FSD1L: variants seen among roughly 807,000 people sequenced by gnomAD.
FSD1L encodes the protein FSD1-like protein.
Under a neutral mutation model 71.6 loss-of-function variants are expected in FSD1L, and 45 were observed. That is an observed-to-expected ratio of 0.63 (90% confidence interval 0.49 to 0.81). FSD1L has a LOEUF of 0.81. FSD1L is among the 30% of genes least tolerant of loss of function. FSD1L has a pLI of 0.00. For synonymous variants in FSD1L, 197 were observed against 207.2 expected, an observed-to-expected ratio of 0.95 and a Z score of 0.42; for missense variants, 561 against 618.1, an observed-to-expected ratio of 0.91 and a Z score of 0.98.
intron 6 of FSD1L, among the ~76,000 whole-genome samples, chr9:105,483,626 G>T (rs1328857381): frequency 2.0e-5 from 3 of 152,136 alleles, no homozygotes; most frequent in African/African-American, 7.2e-5. Context: ...AGTTTTAATG[G>T]ACTACAGATT....
At chr9:105,501,172 C>T (rs1348337858) in intron 7 of FSD1L, among the ~76,000 whole-genome samples, 1 of 152,016 alleles carries the variant, frequency 6.6e-6, no homozygotes, top group Non-Finnish European at 1.5e-5. Flanking sequence ...GTGAGAAGCA[C>T]TGCCTTATTT....
chr9:105,525,005 T>G, intron 10 of FSD1L: 1 of 1,572,550 alleles, frequency 6.4e-7, no homozygotes. Context: ...AGGAGGTTTA[T>G]CTGCTGGCCT....
Position 105,512,796 on chromosome 9 carries a change from A to G in FSD1L, c.896-11A>G. On this transcript the variant is annotated splice_polypyrimidine_tract_variant and intron_variant, in intron 9 of 13. Coordinates refer to ENST00000481272, the MANE Select transcript of FSD1L (RefSeq NM_001145313.3). ...TATTTTAAAAATATATTTAAATATT[A>G]TCTTGAATAGCACTTAACTTCAATT... is the stretch of plus-strand genomic sequence containing the variant. 1 of 1,410,406 alleles carries G rather than the reference A, an allele frequency of 7.1e-7. No homozygotes were observed. Among genetic ancestry groups the G allele is most frequent in the Non-Finnish European group, 9.5e-7 (1 of 1,056,170 alleles). The allele number at this position is 1,410,406 out of a possible 1,614,324, so 87.4% of individuals were successfully genotyped here.
Position 105,512,889 on chromosome 9 carries a change from A to G in FSD1L, c.978A>G (p.Gly326=). 2 of 1,542,692 alleles carry G rather than the reference A, an allele frequency of 1.3e-6. No individual in the cohort carries two copies. Among genetic ancestry groups the G allele is most frequent in the Non-Finnish European group, 1.7e-6 (2 of 1,142,890 alleles). ...EDTCVEWDPT[G]GKGQESKIKG... is the part of the protein sequence containing the mutation. The stretch of plus-strand genomic sequence containing the variant: ...CATGTGTAGAGTGGGATCCTACTGG[A>G]GGAAAAGGTCAAGAAAGTAAAATTA... The change falls in exon 10 of 14, where the codon GGA becomes GGG. Residue 326 remains glycine, a synonymous_variant. Coordinates refer to ENST00000481272, the MANE Select transcript of FSD1L (RefSeq NM_001145313.3).
chr9:105,524,637 G>T, intron 10 of FSD1L: 8 of 1,613,940 alleles, frequency 5.0e-6, no homozygotes, highest in Non-Finnish European at 6.8e-6. Flanking sequence ...TGTAGATTAT[G>T]ATCCTTTTAT....
At chr9:105,478,879 A>G (rs1484365126) in intron 5 of FSD1L, among the ~76,000 whole-genome samples, 2 of 152,222 alleles carry the variant, frequency 1.3e-5, no homozygotes, top group Non-Finnish European at 2.9e-5. Flanking sequence ...TCCTTGCCCT[A>G]TAGAGGCATA....
At chr9:105,545,250 T>G (rs1836915600) in intron 13 of FSD1L, among the ~76,000 whole-genome samples, 1 of 145,586 alleles carries the variant, frequency 6.9e-6, no homozygotes, top group African/African-American at 2.7e-5. Flanking sequence ...ATAGGAATGC[T>G]TGTGATTTTT....
At chr9:105,460,033 C>T (rs571866422) in intron 1 of FSD1L, among the ~76,000 whole-genome samples, 51 of 152,296 alleles carry the variant, frequency 3.3e-4, no homozygotes, top group African/African-American at 1.0e-3. Context: ...GCTCTCTCTT[C>T]AAAGAATGAG....
chr9:105,528,544 A>G (rs1039341111), intron 10 of FSD1L, among the ~76,000 whole-genome samples: 4 of 152,212 alleles, frequency 2.6e-5, no homozygotes, highest in Non-Finnish European at 5.9e-5. Context: ...AAGATTCCCT[A>G]TTTAATAAAT....
chr9:105,470,379 T>C (rs907287247), intron 4 of FSD1L, among the ~76,000 whole-genome samples: 1 of 152,230 alleles, frequency 6.6e-6, no homozygotes, highest in African/African-American at 2.4e-5. Flanking sequence ...TGTTCCAATC[T>C]ATGAACATGA....
intron 10 of FSD1L, chr9:105,530,480 T>G (rs1018751964): frequency 4.9e-6 from 3 of 610,990 alleles, no homozygotes; most frequent in Non-Finnish European, 8.7e-6. Context: ...TTCTCCATGC[T>G]TCCCTTTATT....
intron 12 of FSD1L, among the ~76,000 whole-genome samples, chr9:105,537,294 T>A (rs1836331798): frequency 6.6e-6 from 1 of 152,194 alleles, no homozygotes; most frequent in Non-Finnish European, 1.5e-5. Context: ...GTTAATTTAC[T>A]CAAAAAAGGA....
rs1346083228 is a variant in FSD1L at position 105,548,277 on chromosome 9, C to G, written c.*1794C>G. ...TTCTGTTCCCTATAGAGGGCCTATT[C>G]CAGGATCTAAATGAATGGGAATTTA... On this transcript the variant is annotated 3_prime_UTR_variant, in exon 14 of 14. Coordinates refer to ENST00000481272, the MANE Select transcript of FSD1L (RefSeq NM_001145313.3). 2.0e-5 allele frequency: 3 copies of G among 152,124 alleles called. No individual in the cohort carries two copies. Among genetic ancestry groups the G allele is most frequent in the Admixed American group, 6.6e-5 (1 of 15,246 alleles). The allele number at this position is 152,124 out of a possible 1,614,324, so 9.4% of individuals were successfully genotyped here. A position where few individuals can be genotyped will look rare whatever the true frequency, so the allele number is the denominator to read the frequency against.
chr9:105,483,825 G>T (rs1022835794), intron 6 of FSD1L, among the ~76,000 whole-genome samples: 1 of 152,088 alleles, frequency 6.6e-6, no homozygotes, highest in Non-Finnish European at 1.5e-5. Flanking sequence ...TTCATTGATA[G>T]TGATTTCACT....
Position 105,456,146 on chromosome 9 carries a change from C to T in FSD1L, c.16-5374C>T, listed in dbSNP as rs576940516. Among the ~76,000 whole-genome samples, 12 of 152,240 alleles carry T rather than the reference C, an allele frequency of 7.9e-5. No homozygotes were observed. The South Asian group carries it at 1.0e-3, about 13-fold the overall frequency. ...AGTAAAATCTTAGTCCTTTGGATGCCTTTAGCCGTTCTGACCTTTTCATGA... is the reference window on the plus strand; with the variant it reads ...AGTAAAATCTTAGTCCTTTGGATGCTTTTAGCCGTTCTGACCTTTTCATGA... On this transcript the variant is annotated intron_variant, in intron 1 of 13. Transcript: ENST00000481272.
At chr9:105,497,896 TGTA>T (rs1240323219) in intron 7 of FSD1L, among the ~76,000 whole-genome samples, 2 of 152,144 alleles carry the variant, frequency 1.3e-5, no homozygotes, top group Admixed American at 1.3e-4. Context: ...CAGTCTGGAA[TGTA>T]GTTATATAAT....
chr9:105,495,956 G>A (rs1004382269), intron 7 of FSD1L, among the ~76,000 whole-genome samples: 2 of 148,012 alleles, frequency 1.4e-5, no homozygotes, highest in African/African-American at 5.0e-5. Context: ...TGGCAGCAGA[G>A]TGAGACTCCA....
chr9:105,537,024 G>T (rs1266415532), intron 12 of FSD1L, among the ~76,000 whole-genome samples: 1 of 152,082 alleles, frequency 6.6e-6, no homozygotes, highest in African/African-American at 2.4e-5. Context: ...CATCTTAATA[G>T]ATTTGGCCCA....
chr9:105,499,140 T>G (rs1211332030), intron 7 of FSD1L, among the ~76,000 whole-genome samples: 1 of 152,238 alleles, frequency 6.6e-6, no homozygotes, highest in South Asian at 2.1e-4. Context: ...TCTGTAGATA[T>G]CAATTACATG....
Sources: gnomAD v4.1 joint callset for allele counts (sites outside exome capture counted in the v4.1 genomes callset) on GRCh38, gnomAD v4.1.1 for gene constraint, MANE v1.5 for transcripts, NCBI Gene and HGNC (gene_info 2026-07-23, HGNC 2026-07-21) for gene names.